Variants in UVRAG observed in about 807,000 individuals in gnomAD.
UVRAG encodes the protein UV radiation resistance-associated gene protein.
Under a neutral mutation model 78.0 loss-of-function variants are expected in UVRAG, and 19 were observed. That is an observed-to-expected ratio of 0.24 (90% CI 0.17 to 0.36). The LOEUF (loss-of-function observed/expected upper bound fraction) is 0.36. Ranked by LOEUF, UVRAG falls within the 10% of genes least tolerant of loss-of-function variation. UVRAG has a pLI of 1.00. For missense variants in UVRAG, 740 were observed against 853.8 expected, an observed-to-expected ratio of 0.87 and a Z score of 1.66; for synonymous variants, 323 against 324.6, an observed-to-expected ratio of 1.00 and a Z score of 0.05.
intron 1 of UVRAG, among the ~76,000 whole-genome samples, chr11:75,844,306 CA>C (rs1945987309): frequency 6.6e-6 from 1 of 151,914 alleles, no homozygotes; most frequent in Non-Finnish European, 1.5e-5. Flanking sequence ...CGGCTCACTG[CA>C]AGTTCCGCCT....
intron 13 of UVRAG, among the ~76,000 whole-genome samples, chr11:76,075,611 CAAA>C (rs879475858): frequency 1.5e-5 from 2 of 134,106 alleles, no homozygotes; most frequent in East Asian, 2.2e-4. Context: ...GACTGTGTCT[CAAA>C]AAAAAAAAAA....
chr11:75,870,475 A>C (rs1362780277), intron 3 of UVRAG, among the ~76,000 whole-genome samples: 1 of 151,996 alleles, frequency 6.6e-6, no homozygotes, highest in Non-Finnish European at 1.5e-5. Flanking sequence ...TCATTTTTTC[A>C]CTTTGAAAGG....
chr11:75,823,632 GCCGGTAACTTAAAGT>G (rs1945449091), intron 1 of UVRAG, among the ~76,000 whole-genome samples: 1 of 152,234 alleles, frequency 6.6e-6, no homozygotes, highest in African/African-American at 2.4e-5. Flanking sequence ...ACTGCACTGG[GCCGGTAACTTAAAGT>G]CACACAGAGT....
chr11:75,944,975 G>T (rs997224460), intron 6 of UVRAG, among the ~76,000 whole-genome samples: 3 of 151,934 alleles, frequency 2.0e-5, no homozygotes, highest in African/African-American at 7.3e-5. Flanking sequence ...GAAAATGTTG[G>T]GTTATTAAAT....
intron 12 of UVRAG, among the ~76,000 whole-genome samples, chr11:76,035,996 GT>G (rs1301810678): frequency 1.3e-5 from 2 of 152,174 alleles, no homozygotes; most frequent in East Asian, 3.8e-4. Context: ...CAAAAATAAG[GT>G]TGGTTCATAG....
At chr11:75,937,567 T>TG (rs761193639) in intron 6 of UVRAG, among the ~76,000 whole-genome samples, 8 of 152,312 alleles carry the variant, frequency 5.3e-5, no homozygotes, top group Non-Finnish European at 1.0e-4. Flanking sequence ...TCTTTAAAGA[T>TG]GTTGCTCCAC....
Position 76,141,466 on chromosome 11 carries a change from G to A in UVRAG, c.*53G>A. 6.6e-7 allele frequency: 1 copy of A among 1,523,084 alleles called. No individual in the cohort carries two copies. Among genetic ancestry groups the A allele is most frequent in the Non-Finnish European group, 8.9e-7 (1 of 1,117,986 alleles). The allele number at this position is 1,523,084 out of a possible 1,614,324, so 94.3% of individuals were successfully genotyped here. On this transcript the variant is annotated 3_prime_UTR_variant, in exon 15 of 15. Transcript: ENST00000356136. Reference sequence around the variant, plus strand: ...GCAGAAGCTCTGCCTAAAATGAAGTGAAAGCTGCACTTAACCCTTTGTGAT... The same window carrying A: ...GCAGAAGCTCTGCCTAAAATGAAGTAAAAGCTGCACTTAACCCTTTGTGAT...
chr11:76,087,030 C>A (rs1304723736), intron 13 of UVRAG, among the ~76,000 whole-genome samples: 3 of 152,118 alleles, frequency 2.0e-5, no homozygotes, highest in African/African-American at 7.2e-5. Context: ...TTTGTGAAGC[C>A]CTAACATAAA....
chr11:76,060,578 G>A (rs1021842273), intron 12 of UVRAG, among the ~76,000 whole-genome samples: 38 of 152,354 alleles, frequency 2.5e-4, no homozygotes, highest in Middle Eastern at 3.4e-3. Context: ...AGGCGCGAGC[G>A]GGAACCAGGG....
chr11:75,920,053 T>G, intron 6 of UVRAG, among the ~76,000 whole-genome samples: 1 of 118,738 alleles, frequency 8.4e-6, no homozygotes, highest in African/African-American at 3.2e-5. Flanking sequence ...TGGGACGAAG[T>G]CTCGCTCTGT....
intron 12 of UVRAG, among the ~76,000 whole-genome samples, chr11:76,062,851 T>G (rs184328895): frequency 6.6e-4 from 100 of 152,326 alleles, no homozygotes; most frequent in African/African-American, 2.4e-3. Context: ...ACATAACCTT[T>G]AAGTAAGGAT....
At chr11:75,821,603 T>C (rs892400080) in intron 1 of UVRAG, among the ~76,000 whole-genome samples, 1 of 152,188 alleles carries the variant, frequency 6.6e-6, no homozygotes, top group Non-Finnish European at 1.5e-5. Flanking sequence ...CAAAGCAGTG[T>C]TGAGATTACA....
At chr11:75,873,668 A>G (rs1946699030) in intron 3 of UVRAG, among the ~76,000 whole-genome samples, 1 of 152,186 alleles carries the variant, frequency 6.6e-6, no homozygotes. Context: ...CATTCCTAGC[A>G]TATGTAAGCT....
intron 6 of UVRAG, among the ~76,000 whole-genome samples, chr11:75,920,406 C>T (rs573786941): frequency 3.3e-5 from 5 of 152,150 alleles, no homozygotes; most frequent in Admixed American, 3.3e-4. Flanking sequence ...CTTTATTCAT[C>T]CGTCTCTACA....
At chr11:75,983,615 C>T in intron 8 of UVRAG, 102 bp downstream of exon 8, 1 of 1,376,886 alleles carries the variant, frequency 7.3e-7, no homozygotes, top group Non-Finnish European at 9.6e-7. Context: ...TAAATACAGT[C>T]ACACATCACT....
chr11:75,966,481 TCTGCTG>T lies in UVRAG; in HGVS notation c.699+4933_699+4938del, dbSNP rs1949025746. Among the ~76,000 whole-genome samples, 3 of 152,360 alleles carry T rather than the reference TCTGCTG, an allele frequency of 2.0e-5. No individual in the cohort carries two copies. The South Asian group carries it at 6.2e-4, about 32-fold the overall frequency. The stretch of plus-strand genomic sequence containing the variant: ...GGACCTTTTAAATATTTTCTAGTTC[TCTGCTG>T]ATATTTCATATCCTTTTATTCACTA... On this transcript the variant is annotated intron_variant, in intron 7 of 14. Coordinates refer to ENST00000356136, the MANE Select transcript of UVRAG (RefSeq NM_003369.4).
In UVRAG at chr11:76,001,240, C is replaced by T. The variant is rs567844916; in HGVS notation, c.827-2765C>T. 3.3e-5 allele frequency among the ~76,000 whole-genome samples: 5 copies of T among 152,056 alleles called. No individual in the cohort carries two copies. The South Asian group carries it at 6.2e-4, about 19-fold the overall frequency. ...TACACAATATATATATCATAAACCA[C>T]GGGTCAAAGAAGAAATCACAAGAAA... On this transcript the variant is annotated intron_variant, in intron 8 of 14. Transcript: ENST00000356136.
chr11:76,002,888 C>T (rs1428282833), intron 8 of UVRAG, among the ~76,000 whole-genome samples: 1 of 151,994 alleles, frequency 6.6e-6, no homozygotes, highest in Non-Finnish European at 1.5e-5. Context: ...TCAGCCTGGA[C>T]AACATGGTGA....
Position 76,007,543 on chromosome 11 carries a change from C to G in UVRAG, c.921C>G (p.Phe307Leu). 1 of 1,612,946 alleles carries G rather than the reference C, an allele frequency of 6.2e-7. No individual in the cohort carries two copies. Among genetic ancestry groups the G allele is most frequent in the Non-Finnish European group, 8.5e-7 (1 of 1,179,396 alleles). ...RKECTAKRELFLKTNAQLTIR... is the reference protein window; with the variant it reads ...RKECTAKRELLLKTNAQLTIR... ...TTTCTTTCCTCATTAGAGAACTCTT[C>G]TTGAAGACTAATGCTCAGTTGACAA... Residue 307 changes from phenylalanine to leucine, a missense_variant, in exon 10 of 15, where the codon TTC (phenylalanine) becomes TTG (leucine). Physicochemically the swap from Phe to Leu is conservative, Grantham distance 22. Coordinates refer to ENST00000356136, the MANE Select transcript of UVRAG (RefSeq NM_003369.4).
Sources: gnomAD v4.1 joint callset for allele counts (sites outside exome capture counted in the v4.1 genomes callset) on GRCh38, gnomAD v4.1.1 for gene constraint, MANE v1.5 for transcripts, NCBI Gene and HGNC (gene_info 2026-07-23, HGNC 2026-07-21) for gene names.